Variants in KCNK9 observed in about 807,000 individuals in gnomAD.
KCNK9 encodes the protein potassium channel subfamily K member 9.
KCNK9 carries 1 observed loss-of-function variant against 10.8 expected under a neutral mutation model. That is an observed-to-expected ratio of 0.09 (90% CI 0.03 to 0.44). The LOEUF (loss-of-function observed/expected upper bound fraction) is 0.44. Among genes scored for constraint, KCNK9 ranks in the 20% least tolerant of loss-of-function variants. KCNK9 has a pLI of 0.97. For missense variants in KCNK9, 303 were observed against 515.0 expected (o/e 0.59, Z 3.98); for synonymous variants, 231 against 222.7 (o/e 1.04, Z -0.33).
intron 1 of KCNK9, among the ~76,000 whole-genome samples, chr8:139,700,751 G>T (rs1016898303): frequency 8.5e-4 from 129 of 152,200 alleles, no homozygotes; most frequent in African/African-American, 2.8e-3. Flanking sequence ...AGTTTTAACC[G>T]TTACAGGCAT....
In KCNK9 at chr8:139,637,870, G is replaced by C. The variant is rs115582787; in HGVS notation, c.284-18771C>G. ...ACCCAGCAGCAGACCTCACCCCTGGGCACTCCCCACACTTCCCTGGGCCAC... is the reference window on the plus strand; with the variant it reads ...ACCCAGCAGCAGACCTCACCCCTGGCCACTCCCCACACTTCCCTGGGCCAC... On this transcript the variant is annotated intron_variant, in intron 1 of 1. Transcript: ENST00000520439. Among the ~76,000 whole-genome samples, 1,437 of 151,760 alleles carry C rather than the reference G, an allele frequency of 9.5e-3. 23 individuals carry two copies. Among genetic ancestry groups the C allele is most frequent in the African/African-American group, 0.031 (1,280 of 41,308 alleles).
chr8:139,684,954 T>C (rs1234378419), intron 1 of KCNK9, among the ~76,000 whole-genome samples: 2 of 152,220 alleles, frequency 1.3e-5, no homozygotes, highest in African/African-American at 2.4e-5. Flanking sequence ...TAAAAGTTAA[T>C]AAAATAATGA....
chr8:139,629,473 G>A (rs1338797407), intron 1 of KCNK9, among the ~76,000 whole-genome samples: 2 of 152,224 alleles, frequency 1.3e-5, no homozygotes, highest in Admixed American at 6.5e-5. Context: ...GTGGATAGAC[G>A]CCTAAACAAA....
chr8:139,643,378 AG>A (rs1815568067), intron 1 of KCNK9, among the ~76,000 whole-genome samples: 1 of 152,184 alleles, frequency 6.6e-6, no homozygotes, highest in Non-Finnish European at 1.5e-5. Context: ...GGCTCCCCGG[AG>A]GAAATGACAT....
intron 1 of KCNK9, among the ~76,000 whole-genome samples, chr8:139,649,238 G>C (rs535999126): frequency 1.3e-5 from 2 of 152,264 alleles, no homozygotes; most frequent in South Asian, 2.1e-4. Context: ...GAAAATGACA[G>C]GATTTTCAAG....
intron 1 of KCNK9, among the ~76,000 whole-genome samples, chr8:139,680,775 C>T (rs1816670099): frequency 1.3e-5 from 2 of 152,168 alleles, no homozygotes; most frequent in African/African-American, 4.8e-5. Context: ...TTATTAAAGG[C>T]CACACTAGGA....
At chr8:139,610,092 C>T (rs554415560), downstream of KCNK9, among the ~76,000 whole-genome samples, 4 of 152,280 alleles carry the variant, frequency 2.6e-5, no homozygotes, top group East Asian at 7.7e-4. Flanking sequence ...GCCTCCACCA[C>T]CCAGAGGCCT....
At chr8:139,695,827 T>A (rs963742024) in intron 1 of KCNK9, among the ~76,000 whole-genome samples, 1 of 152,170 alleles carries the variant, frequency 6.6e-6, no homozygotes. Flanking sequence ...TCTTTCTCCA[T>A]GTTTCCCTCA....
rs542840989 is a variant in KCNK9 at position 139,617,998 on chromosome 8, T to C, written c.*260A>G. The stretch of plus-strand genomic sequence containing the variant: ...GTGAGAAATGTAAGGCATAGTCTGC[T>C]GGGAAGGAAGGAGGAGATCCATGCT... On this transcript the variant is annotated 3_prime_UTR_variant, in exon 2 of 2. Transcript: ENST00000520439. 4.1e-6 allele frequency: 2 copies of C among 492,768 alleles called. No homozygotes were observed. Among genetic ancestry groups the C allele is most frequent in the Admixed American group, 3.3e-5 (1 of 30,218 alleles). The allele number at this position is 492,768 out of a possible 1,614,324, so 30.5% of individuals were successfully genotyped here.
At chr8:139,653,830 C>T (rs1431958694) in intron 1 of KCNK9, among the ~76,000 whole-genome samples, 2 of 152,264 alleles carry the variant, frequency 1.3e-5, no homozygotes, top group East Asian at 3.8e-4. Context: ...CTCCCACCAG[C>T]CAGCTCAGCT....
chr8:139,661,739 GAC>G (rs1480112835), intron 1 of KCNK9, among the ~76,000 whole-genome samples: 1 of 152,310 alleles, frequency 6.6e-6, no homozygotes, highest in East Asian at 1.9e-4. Context: ...TTTGGAGCCT[GAC>G]ACACAGGAAG....
chr8:139,621,009 G>A (rs1814759574), intron 1 of KCNK9, among the ~76,000 whole-genome samples: 2 of 152,224 alleles, frequency 1.3e-5, no homozygotes, highest in Admixed American at 6.5e-5. Context: ...TAGGTTGGGT[G>A]CAGTGCTTCA....
At chr8:139,678,594 GCC>G (rs1816615184) in intron 1 of KCNK9, among the ~76,000 whole-genome samples, 1 of 152,258 alleles carries the variant, frequency 6.6e-6, no homozygotes, top group African/African-American at 2.4e-5. Flanking sequence ...AGGGCCTCAG[GCC>G]CATCCCTGGA....
At chr8:139,639,778 C>T (rs938475302) in intron 1 of KCNK9, among the ~76,000 whole-genome samples, 23 of 152,306 alleles carry the variant, frequency 1.5e-4, no homozygotes, top group African/African-American at 5.1e-4. Context: ...CTGAGGCCCC[C>T]AGAACAACCT....
chr8:139,625,556 A>G lies in KCNK9; in HGVS notation c.284-6457T>C, dbSNP rs375385267. 3.4e-4 allele frequency among the ~76,000 whole-genome samples: 52 copies of G among 152,278 alleles called. No individual in the cohort carries two copies. In the East Asian group the frequency reaches 6.6e-3, roughly 19 times the overall value. ...GCCTGGAAATCCCAGCCAATCCCTA[A>G]GCCCAGGGCCCAAGGTGGCTGGGGG... On this transcript the variant is annotated intron_variant, in intron 1 of 1. Coordinates refer to ENST00000520439, the MANE Select transcript of KCNK9 (RefSeq NM_001282534.2).
chr8:139,629,336 CA>C (rs1254652600), intron 1 of KCNK9, among the ~76,000 whole-genome samples: 1 of 152,236 alleles, frequency 6.6e-6, no homozygotes, highest in Non-Finnish European at 1.5e-5. Context: ...GGCTCATACC[CA>C]AACACCAAAG....
Position 139,676,805 on chromosome 8 carries a change from A to C in KCNK9, c.283+25905T>G, listed in dbSNP as rs144055236. Among the ~76,000 whole-genome samples the C allele has an allele frequency of 8.6e-3, 1,314 of 152,218 alleles. 18 individuals are homozygous for C. The highest frequency in any genetic ancestry group is 0.03 in the African/African-American group (1,262 of 41,526). On this transcript the variant is annotated intron_variant, in intron 1 of 1. Coordinates refer to ENST00000520439, the MANE Select transcript of KCNK9 (RefSeq NM_001282534.2). ...TCTCTATTAAAAATACAAAAAAATTAGCTGAGTGTGGTGGTGCATGCCTGT... is the reference window on the plus strand; with the variant it reads ...TCTCTATTAAAAATACAAAAAAATTCGCTGAGTGTGGTGGTGCATGCCTGT...
In KCNK9 at chr8:139,618,357, T is replaced by C. The variant is rs757620996; in HGVS notation, c.1026A>G (p.Leu342=). Residue 342 remains leucine (L), a synonymous_variant, in exon 2 of 2, where the codon TTA becomes TTG. Transcript: ENST00000520439. The surrounding 1 kb of genome is among the most constrained non-coding windows in gnomAD (Gnocchi z 7.9). ...TAGGCGATGGGAAGAGGCTGTTTTT[T>C]AATGTGCTTGGTGAGATCTCCTCGA... ...YKIEEISPST[L]KNSLFPSPIS... 1.2e-6 allele frequency: 2 copies of C among 1,614,146 alleles called. No individual in the cohort carries two copies. Among genetic ancestry groups the C allele is most frequent in the South Asian group, 1.1e-5 (1 of 91,072 alleles).
chr8:139,613,482 C>T (rs574847215), downstream of KCNK9, among the ~76,000 whole-genome samples: 148 of 152,290 alleles, frequency 9.7e-4, no homozygotes, highest in Middle Eastern at 6.8e-3. Context: ...TCTGCTATTG[C>T]CGGTCCCTCT....
Sources: gnomAD v4.1 joint callset for allele counts (sites outside exome capture counted in the v4.1 genomes callset) on GRCh38, gnomAD v4.1.1 for gene constraint, Gnocchi (gnomAD v3.1) non-coding constraint, MANE v1.5 for transcripts, NCBI Gene and HGNC (gene_info 2026-07-23, HGNC 2026-07-21) for gene names.